Variants in FOLR2 observed in about 807,000 individuals in gnomAD.
FOLR2 encodes folate receptor beta, also known as folate receptor 2 (fetal).
Under a neutral mutation model 20.4 loss-of-function variants are expected in FOLR2, and 14 were observed. The observed-to-expected ratio is 0.68, with a 90% CI of 0.45 to 1.07. The LOEUF (loss-of-function observed/expected upper bound fraction) is 1.07. Among genes scored for constraint, FOLR2 ranks in the 50% least tolerant of loss-of-function variants. The pLI, the probability that FOLR2 is intolerant of heterozygous loss-of-function variation, is 0.00. For synonymous variants in FOLR2, 114 were observed against 114.3 expected, an observed-to-expected ratio of 1.00 and a Z score of 0.02; for missense variants, 269 against 322.6, an observed-to-expected ratio of 0.83 and a Z score of 1.27.
chr11:72,219,239 G>C (rs1948444193), intron 2 of FOLR2, among the ~76,000 whole-genome samples: 1 of 152,166 alleles, frequency 6.6e-6, no homozygotes, highest in Admixed American at 6.5e-5. Flanking sequence ...GAGAAGAGGA[G>C]GAGGCCCTTC....
Position 72,220,887 on chromosome 11 carries a change from G to A in FOLR2, c.168G>A (p.Lys56=), listed in dbSNP as rs1158406255. The change falls in exon 3 of 5, where the codon AAG becomes AAA. Residue 56 remains lysine, a synonymous_variant. Transcript: ENST00000298223. The part of the protein sequence containing the change: ...KLHDQCSPWK[K]NACCTASTSQ... Reference sequence around the variant, plus strand: ...CCACCCAGTGCAGTCCCTGGAAGAAGAATGCCTGCTGCACAGCCAGCACCA... The same window carrying A: ...CCACCCAGTGCAGTCCCTGGAAGAAAAATGCCTGCTGCACAGCCAGCACCA... 1 of 1,613,996 alleles carries A rather than the reference G, an allele frequency of 6.2e-7. No individual in the cohort carries two copies. Among genetic ancestry groups the A allele is most frequent in the African/African-American group, 1.3e-5 (1 of 75,058 alleles).
rs1948501186 is a variant in FOLR2 at position 72,221,777 on chromosome 11, G to C, written c.*15G>C. ...TCCTTGGCTGAGTTCAGTCCTCCCA[G>C]ACTACCTGCCCTCAGCTTGGATAAC... On this transcript the variant is annotated 3_prime_UTR_variant, in exon 5 of 5. Transcript: ENST00000298223. 1 of 1,608,398 alleles carries C rather than the reference G, an allele frequency of 6.2e-7. No individual in the cohort carries two copies. The highest frequency in any genetic ancestry group is 1.7e-5 in the Admixed American group (1 of 59,708).
Position 72,221,319 on chromosome 11 carries a change from T to G in FOLR2, c.475+8T>G, listed in dbSNP as rs763070392. Reference sequence around the variant, plus strand: ...GATGGGACTGGACCTCAGGTGAGGGTGATTGAGTTGGGGTTAGGAAAAAGG... The same window carrying G: ...GATGGGACTGGACCTCAGGTGAGGGGGATTGAGTTGGGGTTAGGAAAAAGG... On this transcript the variant is annotated splice_region_variant and intron_variant, in intron 4 of 4. Transcript: ENST00000298223. The G allele has an allele frequency of 2.0e-5, 32 of 1,612,078 alleles. No homozygotes were observed. The South Asian group carries it at 3.5e-4, about 18-fold the overall frequency.
chr11:72,216,818 G>A lies in FOLR2; in HGVS notation c.-132G>A, dbSNP rs188762134. 1.0e-5 allele frequency: 15 copies of A among 1,451,614 alleles called. No homozygotes were observed. Among genetic ancestry groups the A allele is most frequent in the East Asian group, 6.8e-5 (3 of 44,044 alleles). The allele number at this position is 1,451,614 out of a possible 1,614,324, so 89.9% of individuals were successfully genotyped here. ...CAGAGCGCGTTGTCTACCCTGTACC[G>A]AAGACAGAGGCTGTGGGGACAGCCT... On this transcript the variant is annotated 5_prime_UTR_variant, in exon 1 of 5. Coordinates refer to ENST00000298223, the MANE Select transcript of FOLR2 (RefSeq NM_000803.5).
At chr11:72,217,301 G>A (rs1948407027) in intron 1 of FOLR2, 1 of 1,147,276 alleles carries the variant, frequency 8.7e-7, no homozygotes, top group African/African-American at 1.6e-5. Context: ...GGGATTACAG[G>A]CGTGAGCCAC....
chr11:72,218,526 C>T (rs897807425), intron 1 of FOLR2, 35 bp from the exon 2 acceptor site: 3 of 1,579,428 alleles, frequency 1.9e-6, no homozygotes, highest in Non-Finnish European at 2.6e-6. Context: ...CAGCTTGGAG[C>T]CCTTTCCCCT....
rs1219079810 is a variant in FOLR2, at chr11:72,217,498, G to C, written c.-25+573G>C. On this transcript the variant is annotated intron_variant, in intron 1 of 4. Coordinates refer to ENST00000298223, the MANE Select transcript of FOLR2 (RefSeq NM_000803.5). ...ATCCATTATCCACTCTTTAGTGACA[G>C]AGCCCAAAGGAACAGCTCTGTAATG... 5 of 810,492 alleles carry C rather than the reference G, an allele frequency of 6.2e-6. No homozygotes were observed. In the East Asian group the frequency reaches 1.9e-4, roughly 31 times the overall value. 50.2% of individuals were successfully genotyped at this position (810,492 alleles called of 1,614,324 possible).
rs71834554 is a variant in FOLR2 at position 72,217,012 on chromosome 11, C to CTGTATTGTATTGTATTGTATTGTAT, written c.-25+89_-25+113dup. 100 of 1,338,984 alleles carry CTGTATTGTATTGTATTGTATTGTAT rather than the reference C, an allele frequency of 7.5e-5. No individual in the cohort carries two copies. In the African/African-American group the frequency reaches 1.3e-3, roughly 17 times the overall value. 82.9% of individuals were successfully genotyped at this position (1,338,984 alleles called of 1,614,324 possible). Reference sequence around the variant, plus strand: ...AGAGGGGAGGAACACACCTTTCTTTCTGTATTGTATTGTATTGTATTGTAT... The same window carrying CTGTATTGTATTGTATTGTATTGTAT: ...AGAGGGGAGGAACACACCTTTCTTTCTGTATTGTATTGTATTGTATTGTATTGTATTGTATTGTATTGTATTGTAT... On this transcript the variant is annotated intron_variant, in intron 1 of 4. Coordinates refer to ENST00000298223, the MANE Select transcript of FOLR2 (RefSeq NM_000803.5).
intron 1 of FOLR2, chr11:72,217,341 A>G: frequency 7.8e-7 from 1 of 1,287,990 alleles, no homozygotes. Context: ...CTTTAGAAAG[A>G]TCATGCTGGC....
rs370252871 is a variant in FOLR2, at chr11:72,221,798, A to G, written c.*36A>G. 2 of 1,591,698 alleles carry G rather than the reference A, an allele frequency of 1.3e-6. No homozygotes were observed. Among genetic ancestry groups the G allele is most frequent in the Non-Finnish European group, 1.7e-6 (2 of 1,165,400 alleles). ...CCCAGACTACCTGCCCTCAGCTTGGATAACCAGGCTGGGCTCAGCTCAGCT... is the reference window on the plus strand; with the variant it reads ...CCCAGACTACCTGCCCTCAGCTTGGGTAACCAGGCTGGGCTCAGCTCAGCT... On this transcript the variant is annotated 3_prime_UTR_variant, in exon 5 of 5. Coordinates refer to ENST00000298223, the MANE Select transcript of FOLR2 (RefSeq NM_000803.5).
rs1948500987 is a variant in FOLR2 at position 72,221,768 on chromosome 11, G to GTCC, written c.*10_*12dup. 1 of 1,611,048 alleles carries GTCC rather than the reference G, an allele frequency of 6.2e-7. No homozygotes were observed. Among genetic ancestry groups the GTCC allele is most frequent in the African/African-American group, 1.3e-5 (1 of 74,896 alleles). On this transcript the variant is annotated 3_prime_UTR_variant, in exon 5 of 5. Coordinates refer to ENST00000298223, the MANE Select transcript of FOLR2 (RefSeq NM_000803.5). ...AACTCTGGCTCCTTGGCTGAGTTCA[G>GTCC]TCCTCCCAGACTACCTGCCCTCAGC...
rs756760515 is a variant in FOLR2, at chr11:72,218,708, G to C, written c.124G>C (p.Gly42Arg). The change falls in exon 2 of 5, where the codon GGT (glycine) becomes CGT (arginine). Residue 42 changes from glycine to arginine, a missense_variant. Gly to Arg is a moderately radical substitution (Grantham distance 125). Coordinates refer to ENST00000298223, the MANE Select transcript of FOLR2 (RefSeq NM_000803.5). ...MDAKHHKTKPGPEDKLHDQCS... is the reference protein window; with the variant it reads ...MDAKHHKTKPRPEDKLHDQCS... Reference sequence around the variant, plus strand: ...TGCCAAGCACCACAAGACAAAGCCAGGTCCTGAGGACAAGCTGCATGACCA... The same window carrying C: ...TGCCAAGCACCACAAGACAAAGCCACGTCCTGAGGACAAGCTGCATGACCA... 1 of 1,612,326 alleles carries C rather than the reference G, an allele frequency of 6.2e-7. No homozygotes were observed. Among genetic ancestry groups the C allele is most frequent in the East Asian group, 2.2e-5 (1 of 44,846 alleles).
Position 72,221,007 on chromosome 11 carries a change from G to C in FOLR2, c.288G>C (p.Gln96His). Residue 96 changes from glutamine to histidine, a missense_variant, in exon 3 of 5, where the codon CAG (glutamine) becomes CAC (histidine). Gln to His is a conservative substitution (Grantham distance 24). Transcript: ENST00000298223. ...CCGCCTGCAAGCGCCACTTCATCCA[G>C]GACACCTGTCTCTATGAGTGCTCAC... Reference protein sequence around the residue: ...MEPACKRHFIQDTCLYECSPN... With the variant: ...MEPACKRHFIHDTCLYECSPN... The C allele has an allele frequency of 6.2e-7, 1 of 1,613,910 alleles. No homozygotes were observed. The highest frequency in any genetic ancestry group is 8.5e-7 in the Non-Finnish European group (1 of 1,179,888).
At chr11:72,220,744 G>C in intron 2 of FOLR2, 126 bp from the exon 3 acceptor site, 1 of 1,173,362 alleles carries the variant, frequency 8.5e-7, no homozygotes, top group Non-Finnish European at 1.2e-6. Flanking sequence ...CATCATCTGG[G>C]AACCTGAGTG....
chr11:72,218,191 G>A (rs1216790443), intron 1 of FOLR2, among the ~76,000 whole-genome samples: 1 of 152,202 alleles, frequency 6.6e-6, no homozygotes, highest in Non-Finnish European at 1.5e-5. Context: ...TTGCTGGACA[G>A]AGGGTGAAGA....
chr11:72,221,069 T>TTGG lies in FOLR2; in HGVS notation c.339+11_339+12insTGG. The stretch of plus-strand genomic sequence containing the variant: ...CCCTGGATCCAGCAGGTAGGGTGTC[T>TTGG]CCCCCCCACCCACCCCAGCAGACTG... On this transcript the variant is annotated intron_variant, in intron 3 of 4. Coordinates refer to ENST00000298223, the MANE Select transcript of FOLR2 (RefSeq NM_000803.5). The TTGG allele has an allele frequency of 1.4e-6, 1 of 717,302 alleles. No homozygotes were observed. The highest frequency in any genetic ancestry group is 2.2e-6 in the Non-Finnish European group (1 of 458,082). 44.4% of individuals were successfully genotyped at this position (717,302 alleles called of 1,614,324 possible). A position where few individuals can be genotyped will look rare whatever the true frequency, so the allele number is the denominator to read the frequency against.
At chr11:72,218,090 G>A (rs755580903) in intron 1 of FOLR2, among the ~76,000 whole-genome samples, 6 of 152,118 alleles carry the variant, frequency 3.9e-5, no homozygotes, top group Admixed American at 6.5e-5. Flanking sequence ...CTGAGAACTC[G>A]GCAGAGCTGG....
rs547735721 is a variant in FOLR2 at position 72,217,757 on chromosome 11, T to C, written c.-24-804T>C. ...GCATAGATAAGTTCTTTAGTGGTGA[T>C]TTCTGAATTTTAGTGCACCAGTCAC... On this transcript the variant is annotated intron_variant, in intron 1 of 4. Coordinates refer to ENST00000298223, the MANE Select transcript of FOLR2 (RefSeq NM_000803.5). 3.9e-5 allele frequency among the ~76,000 whole-genome samples: 6 copies of C among 152,320 alleles called. No individual in the cohort carries two copies. The South Asian group carries it at 1.2e-3, about 32-fold the overall frequency.
At chr11:72,218,852 T>C (rs1948437565) in intron 2 of FOLR2, 118 bp downstream of exon 2, 2 of 842,484 alleles carry the variant, frequency 2.4e-6, no homozygotes, top group South Asian at 1.8e-5. Context: ...AGTTTTCCTG[T>C]GGGAGAAGAT....
Sources: allele counts gnomAD v4.1 joint callset (sites outside exome capture counted in the v4.1 genomes callset), GRCh38; gene constraint gnomAD v4.1.1; transcripts MANE v1.5; gene names NCBI Gene and HGNC (gene_info 2026-07-23, HGNC 2026-07-21).